Variants in CILP observed in about 807,000 individuals in gnomAD.
The protein encoded by CILP is cartilage intermediate layer protein.
In CILP, 75 loss-of-function variants were observed where a neutral mutation model predicts 82.5. The observed-to-expected ratio is 0.91, with a 90% CI of 0.75 to 1.10. The LOEUF (loss-of-function observed/expected upper bound fraction) is 1.10, where lower values mean the gene tolerates loss of function less well. Ranked by LOEUF, CILP falls within the 50% of genes least tolerant of loss-of-function variation. CILP has a pLI of 0.00. For missense variants in CILP, 1,479 were observed against 1,530.8 expected, an observed-to-expected ratio of 0.97 and a Z score of 0.56; for synonymous variants, 530 against 580.3, an observed-to-expected ratio of 0.91 and a Z score of 1.25.
Position 65,198,172 on chromosome 15 carries a change from G to C in CILP, c.2114C>G (p.Thr705Arg). 1 of 1,614,236 alleles carries C rather than the reference G, an allele frequency of 6.2e-7. No homozygotes were observed. Among genetic ancestry groups the C allele is most frequent in the Non-Finnish European group, 8.5e-7 (1 of 1,180,048 alleles). ...TVKLWSLNPD[T>R]GLWEEEGDFK... ...ATCACCTTCCTCCTCCCACAGCCCT[G>C]TGTCTGGATTGAGTGACCAGAGTTT... The change falls in exon 9 of 9, where the codon ACA becomes AGA. Residue 705 changes from threonine to arginine, a missense_variant. Transcript: ENST00000261883.
Position 65,197,412 on chromosome 15 carries a change from C to A in CILP, c.2874G>T (p.Val958=), listed in dbSNP as rs1273031580. ...TCACTTCCAGTGGCCCCACAATCTT[C>A]ACCTTGATATAGCAGGCCCTGAATT... is the stretch of plus-strand genomic sequence containing the variant. ...PMEFRACYIK[V]KIVGPLEVNV... Residue 958 remains valine, a synonymous_variant, in exon 9 of 9, where the codon GTG becomes GTT. Transcript: ENST00000261883. 6.2e-7 allele frequency: 1 copy of A among 1,614,248 alleles called. No individual in the cohort carries two copies. The highest frequency in any genetic ancestry group is 1.7e-5 in the Admixed American group (1 of 60,032).
intron 8 of CILP, among the ~76,000 whole-genome samples, chr15:65,201,007 T>G (rs1391665030): frequency 1.0e-5 from 1 of 99,450 alleles, no homozygotes; most frequent in Non-Finnish European, 2.2e-5. Context: ...TTTCTTCTTC[T>G]TCTTTTTTTT....
rs542167837 is a variant in CILP at position 65,200,536 on chromosome 15, C to T, written c.1186+1336G>A. Among the ~76,000 whole-genome samples, 95 of 152,240 alleles carry T rather than the reference C, an allele frequency of 6.2e-4. 1 individual carries two copies. Among genetic ancestry groups the T allele is most frequent in the South Asian group, 2.1e-3 (10 of 4,818 alleles). ...GACAGGCCCCTGATTGGTCTTTGGCCTCTAATCTCTCCCCATCCAGTTCTG... is the reference window on the plus strand; with the variant it reads ...GACAGGCCCCTGATTGGTCTTTGGCTTCTAATCTCTCCCCATCCAGTTCTG... On this transcript the variant is annotated intron_variant, in intron 8 of 8. Coordinates refer to ENST00000261883, the MANE Select transcript of CILP (RefSeq NM_003613.4).
chr15:65,205,029 C>T (rs181418777), intron 5 of CILP, among the ~76,000 whole-genome samples: 2 of 152,114 alleles, frequency 1.3e-5, no homozygotes, highest in Non-Finnish European at 2.9e-5. Context: ...AAAACAACAA[C>T]AACAACAACA....
rs756615105 is a variant in CILP at position 65,198,874 on chromosome 15, GTGTAGCCACTGCAC to G, written c.1398_1411del (p.Gln466HisfsTer30). The G allele has an allele frequency of 2.2e-5, 36 of 1,614,042 alleles. 1 individual carries two copies. Among genetic ancestry groups the G allele is most frequent in the Non-Finnish European group, 2.9e-5 (34 of 1,180,028 alleles). ...CTCCTTGGCCACCTTGGTGGGTAGC[GTGTAGCCACTGCAC>G]TGGATCTCCCTTTCCTCTGTCTTGG... is the stretch of plus-strand genomic sequence containing the variant. On this transcript the variant is annotated frameshift_variant, in exon 9 of 9. Coordinates refer to ENST00000261883, the MANE Select transcript of CILP (RefSeq NM_003613.4). LOFTEE classifies it high-confidence loss of function.
chr15:65,197,713 T>C lies in CILP; in HGVS notation c.2573A>G (p.Asn858Ser). 5 of 1,613,038 alleles carry C rather than the reference T, an allele frequency of 3.1e-6. No individual in the cohort carries two copies. The highest frequency in any genetic ancestry group is 4.2e-6 in the Non-Finnish European group (5 of 1,180,026). Residue 858 changes from asparagine to serine, a missense_variant, in exon 9 of 9, where the codon AAC (asparagine) becomes AGC (serine). By Grantham distance (46) the Asn-to-Ser change is conservative. Coordinates refer to ENST00000261883, the MANE Select transcript of CILP (RefSeq NM_003613.4). Reference protein sequence around the residue: ...GVPQPYLNKLNYRRTDHEDPR... With the variant: ...GVPQPYLNKLSYRRTDHEDPR... ...ATCCTCATGGTCCGTCCGACGGTAG[T>C]TGAGCTTGTTGAGATAGGGCTGAGG...
chr15:65,197,988 A>G lies in CILP; in HGVS notation c.2298T>C (p.Pro766=), dbSNP rs1252518566. 6.2e-7 allele frequency: 1 copy of G among 1,614,196 alleles called. No individual in the cohort carries two copies. The highest frequency in any genetic ancestry group is 1.7e-5 in the Admixed American group (1 of 60,026). The change falls in exon 9 of 9, where the codon CCT becomes CCC. Residue 766 remains proline, a synonymous_variant. Transcript: ENST00000261883. The stretch of plus-strand genomic sequence containing the variant: ...TCACAACCCCCTGGATCTGCTCACT[A>G]GGCAAGAACCTCTCACTCCGGTAGG... ...VRAYRSERFL[P]SEQIQGVVIS...
intron 1 of CILP, among the ~76,000 whole-genome samples, chr15:65,210,407 T>C (rs944260909): frequency 3.3e-5 from 5 of 152,120 alleles, no homozygotes; most frequent in Non-Finnish European, 7.4e-5. Flanking sequence ...ATTTCTGGCC[T>C]TTTTGTTTGG....
chr15:65,206,665 C>T, intron 4 of CILP, 117 bp downstream of exon 4: 2 of 1,135,032 alleles, frequency 1.8e-6, no homozygotes, highest in Non-Finnish European at 2.5e-6. Context: ...ATTACAGAGT[C>T]CAAGCATACG....
At chr15:65,204,008 T>C (rs1025638696) in intron 6 of CILP, among the ~76,000 whole-genome samples, 1 of 152,346 alleles carries the variant, frequency 6.6e-6, no homozygotes, top group East Asian at 1.9e-4. Flanking sequence ...ACGAAGGCCC[T>C]GAGGCAGGAA....
intron 7 of CILP, among the ~76,000 whole-genome samples, chr15:65,203,132 C>A (rs1001541937): frequency 2.0e-5 from 3 of 152,122 alleles, no homozygotes; most frequent in African/African-American, 7.2e-5. Flanking sequence ...CTACTGTGCC[C>A]GGCCAAAGGG....
Position 65,209,768 on chromosome 15 carries a change from C to G in CILP, c.-13G>C, listed in dbSNP as rs773513813. Reference sequence around the variant, plus strand: ...TGGTCCCCACCATCTTTCCCCCAAGCCCGTGGGAACGTGGCAAGAGGTAGA... The same window carrying G: ...TGGTCCCCACCATCTTTCCCCCAAGGCCGTGGGAACGTGGCAAGAGGTAGA... On this transcript the variant is annotated 5_prime_UTR_variant, in exon 2 of 9. Transcript: ENST00000261883. The G allele has an allele frequency of 2.5e-6, 4 of 1,613,862 alleles. No homozygotes were observed. The Admixed American group carries it at 5.0e-5, about 20-fold the overall frequency.
Position 65,197,695 on chromosome 15 carries a change from T to G in CILP, c.2591A>C (p.His864Pro). The change falls in exon 9 of 9, where the codon CAT becomes CCT. Residue 864 changes from histidine to proline, a missense_variant. Transcript: ENST00000261883. ...LNKLNYRRTD[H>P]EDPRVKKTAF... ...TGTCTTTTTAACCCGTGGATCCTCATGGTCCGTCCGACGGTAGTTGAGCTT... is the reference window on the plus strand; with the variant it reads ...TGTCTTTTTAACCCGTGGATCCTCAGGGTCCGTCCGACGGTAGTTGAGCTT... 6.2e-7 allele frequency: 1 copy of G among 1,613,682 alleles called. No homozygotes were observed. Among genetic ancestry groups the G allele is most frequent in the Non-Finnish European group, 8.5e-7 (1 of 1,180,038 alleles).
At chr15:65,199,134 A>G in intron 8 of CILP, 35 bp from the exon 9 acceptor site, 1 of 1,470,316 alleles carries the variant, frequency 6.8e-7, no homozygotes, top group Non-Finnish European at 9.2e-7. Context: ...TTAAGATGTA[A>G]GTTTACATCC....
At chr15:65,207,963 G>A (rs2088536569) in intron 2 of CILP, among the ~76,000 whole-genome samples, 199 bp from the exon 3 acceptor site, 1 of 152,204 alleles carries the variant, frequency 6.6e-6, no homozygotes, top group Non-Finnish European at 1.5e-5. Flanking sequence ...AAATAGGAAT[G>A]CACTAATAAT....
chr15:65,207,067 A>G lies in CILP; in HGVS notation c.155-16T>C, dbSNP rs370220691. On this transcript the variant is annotated splice_polypyrimidine_tract_variant and intron_variant, in intron 3 of 8. Transcript: ENST00000261883. The stretch of plus-strand genomic sequence containing the variant: ...TCACCAGGGCCTGAGAGACATAGCC[A>G]AATTGCGGAGGAGCCGTGATCCTGG... 5.2e-5 allele frequency: 83 copies of G among 1,603,636 alleles called. 1 individual carries two copies. The African/African-American group carries it at 8.7e-4, about 17-fold the overall frequency.
chr15:65,198,772 A>C lies in CILP; in HGVS notation c.1514T>G (p.Met505Arg), dbSNP rs1167031023. ...CCCCATGTACACATGGCCAAAGCGC[A>C]TGGGCTCCCCATTGTCAGCAGCACT... ...RVSAADNGEP[M>R]RFGHVYMGNS... The change falls in exon 9 of 9, where the codon ATG (methionine) becomes AGG (arginine). Residue 505 changes from methionine (M) to arginine (R), a missense_variant. Coordinates refer to ENST00000261883, the MANE Select transcript of CILP (RefSeq NM_003613.4). 6.2e-7 allele frequency: 1 copy of C among 1,614,002 alleles called. No homozygotes were observed. The highest frequency in any genetic ancestry group is 8.5e-7 in the Non-Finnish European group (1 of 1,180,028).
At chr15:65,210,113 G>A (rs898473932) in intron 1 of CILP, among the ~76,000 whole-genome samples, 2 of 152,134 alleles carry the variant, frequency 1.3e-5, no homozygotes, top group African/African-American at 4.8e-5. Flanking sequence ...ACAAGGACAA[G>A]CAGGGGCGAG....
rs2088383465 is a variant in CILP, at chr15:65,197,406, A to C, written c.2880T>G (p.Ile960Met). Reference sequence around the variant, plus strand: ...GCACATTCACTTCCAGTGGCCCCACAATCTTCACCTTGATATAGCAGGCCC... The same window carrying C: ...GCACATTCACTTCCAGTGGCCCCACCATCTTCACCTTGATATAGCAGGCCC... The part of the protein sequence containing the change: ...EFRACYIKVK[I>M]VGPLEVNVRS... The change falls in exon 9 of 9, where the codon ATT becomes ATG. Residue 960 changes from isoleucine (I) to methionine (M), a missense_variant. Coordinates refer to ENST00000261883, the MANE Select transcript of CILP (RefSeq NM_003613.4). The C allele has an allele frequency of 6.2e-7, 1 of 1,614,052 alleles. No individual in the cohort carries two copies. Among genetic ancestry groups the C allele is most frequent in the Non-Finnish European group, 8.5e-7 (1 of 1,180,036 alleles).
Sources: gnomAD v4.1 joint callset for allele counts (sites outside exome capture counted in the v4.1 genomes callset) on GRCh38, gnomAD v4.1.1 for gene constraint, MANE v1.5 for transcripts, NCBI Gene and HGNC (gene_info 2026-07-23, HGNC 2026-07-21) for gene names.